Variants in AUTS2 observed in about 807,000 individuals in gnomAD.
AUTS2 encodes the protein autism susceptibility gene 2 protein.
AUTS2 carries 17 observed loss-of-function variants against 112.4 expected under a neutral mutation model. That is an observed-to-expected ratio of 0.15 (90% CI 0.10 to 0.23). The LOEUF (loss-of-function observed/expected upper bound fraction) is 0.23. Ranked by LOEUF, AUTS2 falls within the 10% of genes least tolerant of loss-of-function variation. The probability of loss-of-function intolerance (pLI) is 1.00; values close to 1 mark genes in which losing one functional copy is unlikely to be tolerated. For synonymous variants in AUTS2, 751 were observed against 702.7 expected, an observed-to-expected ratio of 1.07 and a Z score of -1.09; for missense variants, 1,510 against 1,701.6, an observed-to-expected ratio of 0.89 and a Z score of 1.98.
chr7:69,937,618 C>T (rs995742758), intron 2 of AUTS2, among the ~76,000 whole-genome samples: 1 of 152,170 alleles, frequency 6.6e-6, no homozygotes, highest in African/African-American at 2.4e-5. Context: ...CTCTTCCACA[C>T]TGAGAAGAGG....
At chr7:70,025,608 T>C (rs987750447) in intron 2 of AUTS2, among the ~76,000 whole-genome samples, 1 of 151,696 alleles carries the variant, frequency 6.6e-6, no homozygotes, top group African/African-American at 2.4e-5. Flanking sequence ...TGCACTACCA[T>C]GCCTGGCTAA....
intron 5 of AUTS2, among the ~76,000 whole-genome samples, chr7:70,461,042 G>A (rs1457266980): frequency 6.6e-6 from 1 of 152,090 alleles, no homozygotes; most frequent in Non-Finnish European, 1.5e-5. Context: ...GGTCATAAAG[G>A]ACCTTGAAAA....
rs550803924 is a variant in AUTS2 at position 69,860,528 on chromosome 7, A to G, written c.310-38758A>G. Among the ~76,000 whole-genome samples the G allele has an allele frequency of 7.9e-5, 12 of 152,076 alleles. 1 individual carries two copies. The highest frequency in any genetic ancestry group is 7.2e-4 in the Admixed American group (11 of 15,272). ...CCCCACACCCCTGCACCGGAATCAC[A>G]ATTTACCAGGGAACCATGGCACTTT... On this transcript the variant is annotated intron_variant, in intron 1 of 18. Coordinates refer to ENST00000342771, the MANE Select transcript of AUTS2 (RefSeq NM_015570.4).
intron 5 of AUTS2, among the ~76,000 whole-genome samples, chr7:70,585,701 G>C (rs980156917): frequency 5.3e-5 from 8 of 152,084 alleles, no homozygotes; most frequent in Non-Finnish European, 1.2e-4. Context: ...TCTACGGGAT[G>C]ATCACCCTCG....
At chr7:69,611,686 T>G (rs1026173898) in intron 1 of AUTS2, among the ~76,000 whole-genome samples, 1 of 150,982 alleles carries the variant, frequency 6.6e-6, no homozygotes, top group African/African-American at 2.4e-5. Flanking sequence ...ATCCCAGCAC[T>G]TTGGGAGGCC....
intron 5 of AUTS2, among the ~76,000 whole-genome samples, chr7:70,639,616 C>CAAAAAAA (rs5884790): frequency 0.011 from 841 of 74,952 alleles, 59 homozygotes; most frequent in African/African-American, 0.046. Context: ...GACCCTGTCT[C>CAAAAAAA]AAAAAAAAAA....
At chr7:70,759,668 CAAG>C (rs1563177756) in intron 6 of AUTS2, among the ~76,000 whole-genome samples, 1 of 152,188 alleles carries the variant, frequency 6.6e-6, no homozygotes, top group Admixed American at 6.5e-5. Context: ...ACAGAGGAGA[CAAG>C]AAAGTCAACT....
intron 5 of AUTS2, among the ~76,000 whole-genome samples, chr7:70,460,244 G>T (rs1288435023): frequency 6.6e-6 from 1 of 152,004 alleles, no homozygotes; most frequent in East Asian, 1.9e-4. Flanking sequence ...GACCAGAAAG[G>T]TGAGGGTTTC....
chr7:69,761,268 G>A (rs1788174250), intron 1 of AUTS2, among the ~76,000 whole-genome samples: 1 of 152,214 alleles, frequency 6.6e-6, no homozygotes, highest in African/African-American at 2.4e-5. Context: ...CTGGGATCCT[G>A]TGTGCCATCA....
chr7:70,635,089 G>A (rs539574752), intron 5 of AUTS2, among the ~76,000 whole-genome samples: 76 of 152,258 alleles, frequency 5.0e-4, no homozygotes, highest in African/African-American at 1.8e-3. Context: ...AGTACCGAGT[G>A]CCTTATGAAT....
intron 2 of AUTS2, among the ~76,000 whole-genome samples, chr7:69,941,072 G>A (rs545469925): frequency 3.2e-4 from 48 of 152,248 alleles, no homozygotes; most frequent in Non-Finnish European, 6.0e-4. Flanking sequence ...ACACATGCAC[G>A]CAAGCATGTA....
intron 1 of AUTS2, among the ~76,000 whole-genome samples, chr7:69,824,256 A>T (rs1174277501): frequency 2.0e-5 from 3 of 152,060 alleles, no homozygotes; most frequent in East Asian, 3.9e-4. Flanking sequence ...TACTAAAAAT[A>T]CAAAAAATTA....
At chr7:70,110,323 C>T (rs921800267) in intron 2 of AUTS2, among the ~76,000 whole-genome samples, 2 of 152,204 alleles carry the variant, frequency 1.3e-5, no homozygotes, top group Non-Finnish European at 2.9e-5. Flanking sequence ...TGAGACCAGC[C>T]TGGCCAACAT....
chr7:69,773,802 C>T (rs141283684), intron 1 of AUTS2, among the ~76,000 whole-genome samples: 105 of 152,332 alleles, frequency 6.9e-4, no homozygotes, highest in African/African-American at 2.4e-3. Context: ...CAGCCTTATG[C>T]TGAGCTTCCG....
At chr7:69,796,093 TGG>T (rs1336387675) in intron 1 of AUTS2, among the ~76,000 whole-genome samples, 7 of 152,248 alleles carry the variant, frequency 4.6e-5, no homozygotes, top group Non-Finnish European at 1.0e-4. Flanking sequence ...CTCTAGCCTC[TGG>T]ATGTTTTTCA....
At chr7:70,016,267 TGACA>T (rs1800023296) in intron 2 of AUTS2, among the ~76,000 whole-genome samples, 1 of 152,208 alleles carries the variant, frequency 6.6e-6, no homozygotes, top group Admixed American at 6.5e-5. Context: ...AAGGTCAGTT[TGACA>T]GACCGCAATA....
chr7:70,559,969 G>C (rs1296596627), intron 5 of AUTS2, among the ~76,000 whole-genome samples: 1 of 152,208 alleles, frequency 6.6e-6, no homozygotes, highest in Non-Finnish European at 1.5e-5. Flanking sequence ...TTAGAACAAA[G>C]GTCTTTCCCC....
intron 1 of AUTS2, among the ~76,000 whole-genome samples, chr7:69,848,819 G>A (rs1792329085): frequency 6.6e-6 from 1 of 152,070 alleles, no homozygotes; most frequent in African/African-American, 2.4e-5. Flanking sequence ...AATTGAGTTA[G>A]CCTACTTTAT....
intron 1 of AUTS2, among the ~76,000 whole-genome samples, chr7:69,666,319 A>G (rs1474951847): frequency 1.3e-5 from 2 of 152,324 alleles, no homozygotes; most frequent in East Asian, 3.9e-4. Flanking sequence ...TAATTAGGTA[A>G]GAGAACTATT....
Sources: allele counts gnomAD v4.1 joint callset (sites outside exome capture counted in the v4.1 genomes callset), GRCh38; gene constraint gnomAD v4.1.1; transcripts MANE v1.5; gene names NCBI Gene and HGNC (gene_info 2026-07-23, HGNC 2026-07-21).